MRPL15: variants seen among roughly 807,000 people sequenced by gnomAD.
MRPL15 encodes large ribosomal subunit protein uL15m.
Under a neutral mutation model 28.0 loss-of-function variants are expected in MRPL15, and 24 were observed. The ratio of observed to expected loss-of-function variants is 0.86; its 90% CI spans 0.62 to 1.21. The LOEUF (loss-of-function observed/expected upper bound fraction) is 1.21, where lower values mean the gene tolerates loss of function less well. Among genes scored for constraint, MRPL15 ranks in the 50% most tolerant of loss-of-function variants. The pLI is 0.00. For synonymous variants in MRPL15, 124 were observed against 137.0 expected, an observed-to-expected ratio of 0.90 and a Z score of 0.66; for missense variants, 343 against 372.4, an observed-to-expected ratio of 0.92 and a Z score of 0.65.
intron 4 of MRPL15, among the ~76,000 whole-genome samples, chr8:54,145,085 G>A (rs1811021254): frequency 1.3e-5 from 2 of 152,186 alleles, no homozygotes; most frequent in Non-Finnish European, 2.9e-5. Flanking sequence ...GTGGCTCTCT[G>A]CAGCAGCTCT....
In MRPL15 at chr8:54,137,388, C is replaced by A; in HGVS notation, c.384C>A (p.Thr128=). 6.2e-7 allele frequency: 1 copy of A among 1,614,056 alleles called. No homozygotes were observed. Among genetic ancestry groups the A allele is most frequent in the Non-Finnish European group, 8.5e-7 (1 of 1,180,010 alleles). ...LTQLVNGRGV[T]IQPLKRDYGV... The stretch of plus-strand genomic sequence containing the variant: ...AGCTTGTCAATGGGAGAGGTGTGAC[C>A]ATCCAGCCACTTAAAAGGGATTATG... Residue 128 remains threonine, a synonymous_variant, in exon 3 of 5, where the codon ACC becomes ACA. Coordinates refer to ENST00000260102, the MANE Select transcript of MRPL15 (RefSeq NM_014175.4).
chr8:54,142,640 CAG>C, intron 3 of MRPL15, 21 bp from the exon 4 acceptor site: 1 of 1,608,210 alleles, frequency 6.2e-7, no homozygotes, highest in East Asian at 2.2e-5. Flanking sequence ...TGTTTACCAA[CAG>C]ACTGTTTTGA....
chr8:54,141,115 T>G (rs1810918171), intron 3 of MRPL15, among the ~76,000 whole-genome samples: 2 of 152,168 alleles, frequency 1.3e-5, no homozygotes, highest in Non-Finnish European at 2.9e-5. Flanking sequence ...CTTGCTTACT[T>G]AGGGATAAGG....
intron 4 of MRPL15, among the ~76,000 whole-genome samples, chr8:54,146,240 A>C (rs552433904): frequency 1.9e-4 from 29 of 152,328 alleles, no homozygotes; most frequent in African/African-American, 7.0e-4. Context: ...TGAGTTCAGG[A>C]GTTCAAGACC....
chr8:54,141,484 G>C (rs1488257254), intron 3 of MRPL15, among the ~76,000 whole-genome samples: 1 of 152,148 alleles, frequency 6.6e-6, no homozygotes, highest in Non-Finnish European at 1.5e-5. Flanking sequence ...TGGAAATGTA[G>C]TCAGTCTTAC....
At position 54,148,156 on chromosome 8, in the gene MRPL15, C is replaced by G. The variant is rs1266012061; in HGVS notation, c.*437C>G. 6.6e-6 allele frequency among the ~76,000 whole-genome samples: 1 copy of G among 152,060 alleles called. No individual in the cohort carries two copies. The highest frequency in any genetic ancestry group is 1.5e-5 in the Non-Finnish European group (1 of 68,030). ...TGTAGCCTCAGGGAAACACGGCTAC[C>G]CAATGCCAAGATGGTAAACCCTCAA... is the stretch of plus-strand genomic sequence containing the variant. On this transcript the variant is annotated 3_prime_UTR_variant, in exon 5 of 5. Coordinates refer to ENST00000260102, the MANE Select transcript of MRPL15 (RefSeq NM_014175.4).
chr8:54,140,050 C>G (rs996857484), intron 3 of MRPL15, among the ~76,000 whole-genome samples: 5 of 152,076 alleles, frequency 3.3e-5, no homozygotes. Flanking sequence ...TTTTGAAATA[C>G]ATGAAAAATT....
chr8:54,148,422 A>C lies in MRPL15; in HGVS notation c.*703A>C, dbSNP rs1363234789. ...TCTCTGACCTGGGGTTCTTGGCCTC[A>C]CGGATTCCAAAGAATGGAACCTTGG... On this transcript the variant is annotated 3_prime_UTR_variant, in exon 5 of 5. Coordinates refer to ENST00000260102, the MANE Select transcript of MRPL15 (RefSeq NM_014175.4). Among the ~76,000 whole-genome samples the C allele has an allele frequency of 6.6e-6, 1 of 152,226 alleles. No individual in the cohort carries two copies. Among genetic ancestry groups the C allele is most frequent in the Non-Finnish European group, 1.5e-5 (1 of 68,038 alleles).
At chr8:54,137,078 G>A (rs1163803887) in intron 2 of MRPL15, among the ~76,000 whole-genome samples, 190 bp from the exon 3 acceptor site, 1 of 152,164 alleles carries the variant, frequency 6.6e-6, no homozygotes, top group Non-Finnish European at 1.5e-5. Flanking sequence ...ATTTTTAGTG[G>A]AACAAAGGTG....
Position 54,147,702 on chromosome 8 carries a change from A to G in MRPL15, c.874A>G (p.Lys292Glu). 1 of 1,612,458 alleles carries G rather than the reference A, an allele frequency of 6.2e-7. No homozygotes were observed. Among genetic ancestry groups the G allele is most frequent in the Non-Finnish European group, 8.5e-7 (1 of 1,179,280 alleles). The change falls in exon 5 of 5, where the codon AAG (lysine) becomes GAG (glutamate). Residue 292 changes from lysine to glutamate, a missense_variant. Coordinates refer to ENST00000260102, the MANE Select transcript of MRPL15 (RefSeq NM_014175.4). ...ILKPTDENLL[K>E]YYTS is the part of the protein sequence containing the mutation. Reference sequence around the variant, plus strand: ...AAAACCTACAGATGAAAATCTCCTTAAGTATTATACCTCATGAATTCCCGT... The same window carrying G: ...AAAACCTACAGATGAAAATCTCCTTGAGTATTATACCTCATGAATTCCCGT...
At chr8:54,140,247 CT>C (rs929844993) in intron 3 of MRPL15, among the ~76,000 whole-genome samples, 5 of 151,780 alleles carry the variant, frequency 3.3e-5, no homozygotes, top group East Asian at 1.9e-4. Flanking sequence ...CTACATTTTC[CT>C]TTTTTTTCTG....
At chr8:54,135,445 G>C in intron 1 of MRPL15, 54 bp downstream of exon 1, 4 of 1,441,778 alleles carry the variant, frequency 2.8e-6, no homozygotes, top group Non-Finnish European at 3.7e-6. Flanking sequence ...CGATGAAAGC[G>C]GCCCTTCTCT....
chr8:54,139,069 G>A (rs1416027023), intron 3 of MRPL15, among the ~76,000 whole-genome samples: 3 of 151,912 alleles, frequency 2.0e-5, no homozygotes, highest in East Asian at 1.9e-4. Context: ...GCACGATCTC[G>A]GCTCACTGCG....
intron 3 of MRPL15, among the ~76,000 whole-genome samples, chr8:54,140,690 C>T (rs952351186): frequency 6.6e-6 from 1 of 150,966 alleles, no homozygotes; most frequent in Admixed American, 6.6e-5. Flanking sequence ...TCTCCTGCCT[C>T]AGCATCCTGA....
In MRPL15 at chr8:54,135,618, G is replaced by GCCCAGAAGCAATTCTC. The variant is rs777620264; in HGVS notation, c.108+229_108+244dup. Reference sequence around the variant, plus strand: ...TTCCGAGACGGAGGCTTGCTCTGTCGCCCAGAAGCAATTCTCCTGCCTCAG... The same window carrying GCCCAGAAGCAATTCTC: ...TTCCGAGACGGAGGCTTGCTCTGTCGCCCAGAAGCAATTCTCCCCAGAAGCAATTCTCCTGCCTCAG... On this transcript the variant is annotated intron_variant, in intron 1 of 4. Coordinates refer to ENST00000260102, the MANE Select transcript of MRPL15 (RefSeq NM_014175.4). Among the ~76,000 whole-genome samples the GCCCAGAAGCAATTCTC allele has an allele frequency of 3.2e-3, 427 of 134,054 alleles. 1 individual carries two copies. The highest frequency in any genetic ancestry group is 5.3e-3 in the Non-Finnish European group (348 of 65,194). 87.9% of individuals were successfully genotyped at this position (134,054 alleles called of 152,430 possible).
At chr8:54,142,188 C>A (rs1350237323) in intron 3 of MRPL15, among the ~76,000 whole-genome samples, 1 of 149,944 alleles carries the variant, frequency 6.7e-6, no homozygotes, top group East Asian at 2.0e-4. Context: ...GAGTTTCACT[C>A]TTGTAGCCCA....
intron 3 of MRPL15, among the ~76,000 whole-genome samples, chr8:54,138,464 C>T (rs146277653): frequency 0.015 from 2,336 of 151,632 alleles, 36 homozygotes; most frequent in Admixed American, 0.027. Context: ...ACTACAGGTG[C>T]GTGCCACCAC....
intron 4 of MRPL15, among the ~76,000 whole-genome samples, chr8:54,146,221 T>C (rs979599027): frequency 1.3e-5 from 2 of 152,298 alleles, no homozygotes; most frequent in East Asian, 3.9e-4. Flanking sequence ...CCAAGTGAAG[T>C]GGATCACCTG....
chr8:54,137,342 G>A lies in MRPL15; in HGVS notation c.338G>A (p.Ser113Asn). Residue 113 changes from serine to asparagine, a missense_variant, in exon 3 of 5, where the codon AGT becomes AAT. Physicochemically the swap from Ser to Asn is conservative, Grantham distance 46 (BLOSUM62 1). Coordinates refer to ENST00000260102, the MANE Select transcript of MRPL15 (RefSeq NM_014175.4). Reference sequence around the variant, plus strand: ...ATTGATTTGGGTCGTGTTGATCCTAGTCAACCTATTGACTTAACCCAGCTT... The same window carrying A: ...ATTGATTTGGGTCGTGTTGATCCTAATCAACCTATTGACTTAACCCAGCTT... ...YLIDLGRVDP[S>N]QPIDLTQLVN... is the part of the protein sequence containing the mutation. 5 of 1,614,068 alleles carry A rather than the reference G, an allele frequency of 3.1e-6. No homozygotes were observed. The highest frequency in any genetic ancestry group is 1.7e-4 in the Middle Eastern group (1 of 6,024).
Sources: allele counts gnomAD v4.1 joint callset (sites outside exome capture counted in the v4.1 genomes callset), GRCh38; gene constraint gnomAD v4.1.1; transcripts MANE v1.5; gene names NCBI Gene and HGNC (gene_info 2026-07-23, HGNC 2026-07-21).